The following ADAM22 variants were observed in gnomAD, a reference collection of about 807,000 sequenced individuals.
ADAM22 encodes ADAM metallopeptidase domain 22, also known as disintegrin and metalloproteinase domain-containing protein 22.
Under a neutral mutation model 144.6 loss-of-function variants are expected in ADAM22, and 65 were observed. The observed-to-expected ratio is 0.45, with a 90% CI of 0.37 to 0.55. The LOEUF (loss-of-function observed/expected upper bound fraction) is 0.55. ADAM22 is among the 20% of genes least tolerant of loss of function. The pLI is 0.00. For synonymous variants in ADAM22, 391 were observed against 412.6 expected (o/e 0.95, Z 0.63); for missense variants, 974 against 1,184.9 (o/e 0.82, Z 2.61).
At chr7:88,029,586 T>G (rs1799772505) in intron 3 of ADAM22, among the ~76,000 whole-genome samples, 1 of 152,174 alleles carries the variant, frequency 6.6e-6, no homozygotes. Flanking sequence ...TTCAGATGAT[T>G]TTTTGCTGCT....
chr7:88,005,044 C>A (rs1411090705), intron 3 of ADAM22, among the ~76,000 whole-genome samples: 1 of 151,962 alleles, frequency 6.6e-6, no homozygotes, highest in Admixed American at 6.6e-5. Context: ...GTAGTAGTCC[C>A]AGCTGTTTGG....
chr7:88,073,934 A>C (rs576248644), intron 3 of ADAM22, among the ~76,000 whole-genome samples: 1 of 152,360 alleles, frequency 6.6e-6, no homozygotes, highest in East Asian at 1.9e-4. Context: ...TTTATTGGAC[A>C]GATAACAAAT....
intron 11 of ADAM22, chr7:88,132,331 T>C (rs1464766145): frequency 2.0e-5 from 3 of 152,360 alleles, no homozygotes; most frequent in African/African-American, 7.2e-5. Context: ...ATGGTCTATA[T>C]TCAAATTTCA....
At chr7:88,138,375 C>G (rs1484801467) in intron 14 of ADAM22, among the ~76,000 whole-genome samples, 2 of 152,250 alleles carry the variant, frequency 1.3e-5, no homozygotes, top group East Asian at 3.9e-4. Flanking sequence ...ACAGTGAAGT[C>G]AAATGGCTAC....
intron 3 of ADAM22, among the ~76,000 whole-genome samples, chr7:87,993,415 CTT>C (rs1170257551): frequency 3.9e-5 from 6 of 152,080 alleles, no homozygotes; most frequent in African/African-American, 1.4e-4. Context: ...ATTTTAGTAA[CTT>C]ATGCTGTAAA....
intron 4 of ADAM22, among the ~76,000 whole-genome samples, chr7:88,082,959 G>A (rs1214482635): frequency 1.9e-4 from 29 of 152,234 alleles, no homozygotes; most frequent in Admixed American, 6.5e-4. Context: ...AACTAGAAAT[G>A]CCATTTGACC....
At chr7:87,971,321 A>C (rs897203284) in intron 2 of ADAM22, among the ~76,000 whole-genome samples, 1 of 152,160 alleles carries the variant, frequency 6.6e-6, no homozygotes, top group Non-Finnish European at 1.5e-5. Context: ...AAGTACCTCC[A>C]AGCTGTAGGA....
intron 4 of ADAM22, among the ~76,000 whole-genome samples, chr7:88,076,291 G>A (rs759016196): frequency 2.0e-5 from 3 of 152,144 alleles, no homozygotes; most frequent in Non-Finnish European, 2.9e-5. Flanking sequence ...ACCCGCTCCG[G>A]CCTCCCAAAG....
intron 3 of ADAM22, among the ~76,000 whole-genome samples, chr7:88,055,491 A>G (rs968005332): frequency 6.6e-6 from 1 of 152,112 alleles, no homozygotes; most frequent in Admixed American, 6.5e-5. Context: ...TTTACAGTCT[A>G]GACATTGATA....
chr7:88,109,391 A>G lies in ADAM22; in HGVS notation c.473+1133A>G, dbSNP rs141884442. 8.1e-4 allele frequency among the ~76,000 whole-genome samples: 124 copies of G among 152,334 alleles called. 1 individual carries two copies. Among genetic ancestry groups the G allele is most frequent in the Non-Finnish European group, 8.7e-4 (59 of 68,020 alleles). The stretch of plus-strand genomic sequence containing the variant: ...TTTCTTACTTGTTTTGTAACCCCTT[A>G]TAAAGCTACCGTGTCATTCCTCAGC... On this transcript the variant is annotated intron_variant, in intron 5 of 31. Coordinates refer to ENST00000413139, the MANE Select transcript of ADAM22 (RefSeq NM_001324418.2).
rs1401601546 is a variant in ADAM22, at chr7:88,197,238, A to G, written c.*747A>G. 6.6e-6 allele frequency: 1 copy of G among 152,292 alleles called. No homozygotes were observed. Among genetic ancestry groups the G allele is most frequent in the Non-Finnish European group, 1.5e-5 (1 of 68,092 alleles). The allele number at this position is 152,292 out of a possible 1,614,324, so 9.4% of individuals were successfully genotyped here. A position where few individuals can be genotyped will look rare whatever the true frequency, so the allele number is the denominator to read the frequency against. ...CCAGTGATCTTCAAAGACTATAAGCAGGTAATGTAAATATAGTGGTCAATG... is the reference window on the plus strand; with the variant it reads ...CCAGTGATCTTCAAAGACTATAAGCGGGTAATGTAAATATAGTGGTCAATG... On this transcript the variant is annotated 3_prime_UTR_variant, in exon 32 of 32. Transcript: ENST00000413139.
chr7:88,024,574 A>G (rs1798554223), intron 3 of ADAM22, among the ~76,000 whole-genome samples: 1 of 151,970 alleles, frequency 6.6e-6, no homozygotes, highest in African/African-American at 2.4e-5. Flanking sequence ...ATTATACTTT[A>G]AGTTTTAGGG....
At chr7:87,934,660 A>ATTTT (rs57360340) in intron 1 of ADAM22, 110 bp downstream of exon 1, 5 of 704,594 alleles carry the variant, frequency 7.1e-6, no homozygotes, top group East Asian at 3.3e-5. Flanking sequence ...GCGCGGGGAG[A>ATTTT]TTTTTTTTTT....
At chr7:87,991,716 G>A (rs964246541) in intron 3 of ADAM22, among the ~76,000 whole-genome samples, 1 of 152,170 alleles carries the variant, frequency 6.6e-6, no homozygotes, top group Admixed American at 6.5e-5. Flanking sequence ...TCAGTGACAA[G>A]CATTTCAATT....
intron 3 of ADAM22, among the ~76,000 whole-genome samples, chr7:88,048,947 A>T (rs1385777025): frequency 6.6e-6 from 1 of 152,068 alleles, no homozygotes; most frequent in Non-Finnish European, 1.5e-5. Flanking sequence ...ATTTATAGGG[A>T]TGTTTTATTT....
rs144666130 is a variant in ADAM22 at position 88,141,870 on chromosome 7, C to T, written c.1221-1156C>T. On this transcript the variant is annotated intron_variant, in intron 14 of 31. Coordinates refer to ENST00000413139, the MANE Select transcript of ADAM22 (RefSeq NM_001324418.2). Reference sequence around the variant, plus strand: ...TTGTGCCACCACAAATATCTTTGTTCGTACATCTTTGTGCACGTAGCCAAT... The same window carrying T: ...TTGTGCCACCACAAATATCTTTGTTTGTACATCTTTGTGCACGTAGCCAAT... Among the ~76,000 whole-genome samples the T allele has an allele frequency of 2.6e-3, 393 of 152,076 alleles. 3 individuals carry two copies. Among genetic ancestry groups the T allele is most frequent in the East Asian group, 8.1e-3 (42 of 5,174 alleles).
At chr7:88,061,951 A>T (rs1022143049) in intron 3 of ADAM22, among the ~76,000 whole-genome samples, 1 of 150,586 alleles carries the variant, frequency 6.6e-6, no homozygotes, top group African/African-American at 2.4e-5. Context: ...GAAGTAATCA[A>T]CCTGCCTAGC....
chr7:88,051,379 T>C (rs1231228367), intron 3 of ADAM22, among the ~76,000 whole-genome samples: 1 of 152,106 alleles, frequency 6.6e-6, no homozygotes, highest in Admixed American at 6.5e-5. Flanking sequence ...CCATAAAAAA[T>C]GATGAGTTCA....
chr7:88,106,169 GC>G (rs758762448), intron 4 of ADAM22, among the ~76,000 whole-genome samples: 2 of 152,114 alleles, frequency 1.3e-5, no homozygotes, highest in Non-Finnish European at 2.9e-5. Flanking sequence ...AGACTCTGTG[GC>G]CTTCTGGGTT....
Sources: allele counts gnomAD v4.1 joint callset (sites outside exome capture counted in the v4.1 genomes callset), GRCh38; gene constraint gnomAD v4.1.1; transcripts MANE v1.5; gene names NCBI Gene and HGNC (gene_info 2026-07-23, HGNC 2026-07-21).